CTNNA2: variants seen among roughly 807,000 people sequenced by gnomAD.
CTNNA2 encodes the protein catenin alpha 2, also known as catenin alpha-2.
CTNNA2 carries 42 observed loss-of-function variants against 101.0 expected under a neutral mutation model. The observed-to-expected ratio is 0.42, with a 90% confidence interval of 0.32 to 0.54. CTNNA2 has a LOEUF of 0.54. Ranked by LOEUF, CTNNA2 falls within the 20% of genes least tolerant of loss-of-function variation. CTNNA2 has a pLI of 0.14. For missense variants in CTNNA2, 871 were observed against 1,223.1 expected (o/e 0.71, Z 4.29); for synonymous variants, 450 against 456.4 (o/e 0.99, Z 0.18).
chr2:79,706,670 C>T (rs909977787), intron 2 of CTNNA2, among the ~76,000 whole-genome samples: 3 of 152,050 alleles, frequency 2.0e-5, no homozygotes, highest in African/African-American at 7.2e-5. Context: ...GTAAGAGTCC[C>T]AGATGGCTGA....
intron 7 of CTNNA2, among the ~76,000 whole-genome samples, chr2:80,382,012 A>T (rs755847924): frequency 3.3e-5 from 5 of 152,122 alleles, no homozygotes; most frequent in African/African-American, 4.8e-5. Flanking sequence ...TTTTTCCCGC[A>T]TAGGGGAGGT....
At chr2:79,438,177 A>T (rs1678737672) in intron 4 of CTNNA2, among the ~76,000 whole-genome samples, 1 of 152,078 alleles carries the variant, frequency 6.6e-6, no homozygotes, top group African/African-American at 2.4e-5. Context: ...AGAAGCCTGG[A>T]TTTCTTGTGG....
chr2:80,296,515 G>T (rs902397367), intron 7 of CTNNA2, among the ~76,000 whole-genome samples: 1 of 152,096 alleles, frequency 6.6e-6, no homozygotes, highest in Non-Finnish European at 1.5e-5. Flanking sequence ...GTTAACTTTT[G>T]CTGATTATCA....
chr2:80,460,151 A>T (rs956238805), intron 9 of CTNNA2, among the ~76,000 whole-genome samples: 3 of 152,066 alleles, frequency 2.0e-5, no homozygotes, highest in African/African-American at 7.2e-5. Flanking sequence ...ACTTCTTTAT[A>T]TTTTGTTCGT....
intron 7 of CTNNA2, among the ~76,000 whole-genome samples, chr2:80,129,831 G>A (rs1702318588): frequency 6.6e-6 from 1 of 152,108 alleles, no homozygotes; most frequent in African/African-American, 2.4e-5. Flanking sequence ...ACTCTACTGT[G>A]CTTCTGCCCA....
intron 7 of CTNNA2, among the ~76,000 whole-genome samples, chr2:80,069,500 A>C (rs1425513250): frequency 6.6e-6 from 1 of 152,226 alleles, no homozygotes; most frequent in African/African-American, 2.4e-5. Context: ...TGATACAACC[A>C]TCCGCCATAC....
intron 5 of CTNNA2, among the ~76,000 whole-genome samples, chr2:79,506,571 T>G (rs1480216579): frequency 6.6e-6 from 1 of 152,210 alleles, no homozygotes; most frequent in Admixed American, 6.5e-5. Flanking sequence ...ATGAGGAATT[T>G]GAAACACAGA....
At chr2:79,995,018 G>A (rs960025088) in intron 7 of CTNNA2, among the ~76,000 whole-genome samples, 9 of 152,112 alleles carry the variant, frequency 5.9e-5, no homozygotes, top group Non-Finnish European at 8.8e-5. Context: ...TATCCATTGG[G>A]CACCACAATA....
chr2:79,886,485 C>T (rs1683870177), intron 6 of CTNNA2, among the ~76,000 whole-genome samples: 1 of 151,848 alleles, frequency 6.6e-6, no homozygotes, highest in Non-Finnish European at 1.5e-5. Context: ...GGCGCGGTGG[C>T]TCACGCCTGT....
At chr2:79,477,251 A>G (rs1248013881) in intron 4 of CTNNA2, among the ~76,000 whole-genome samples, 1 of 149,622 alleles carries the variant, frequency 6.7e-6, no homozygotes, top group Non-Finnish European at 1.5e-5. Context: ...GCTCACTGCA[A>G]CTTCTGCCTC....
At chr2:80,246,829 C>G (rs1473071759) in intron 7 of CTNNA2, among the ~76,000 whole-genome samples, 4 of 152,186 alleles carry the variant, frequency 2.6e-5, no homozygotes, top group Admixed American at 2.6e-4. Flanking sequence ...CTCCAGGCCA[C>G]TTACATTAAC....
At chr2:80,313,378 G>A in intron 7 of CTNNA2, 11 of 1,343,270 alleles carry the variant, frequency 8.2e-6, no homozygotes, top group Non-Finnish European at 1.1e-5. Context: ...TTTACCCGAT[G>A]AGAAGCAGAG....
chr2:79,277,201 G>C (rs13002858), intron 2 of CTNNA2, among the ~76,000 whole-genome samples: 7 of 152,124 alleles, frequency 4.6e-5, no homozygotes, highest in African/African-American at 1.7e-4. Context: ...CAGAAGCCCA[G>C]AGAGATGTCA....
chr2:80,605,761 T>A (rs190343407), intron 16 of CTNNA2: 9 of 152,090 alleles, frequency 5.9e-5, no homozygotes, highest in African/African-American at 2.2e-4. Context: ...TTTAATTTTA[T>A]TTTACATTTA....
chr2:80,232,132 T>G (rs796939886), intron 7 of CTNNA2, among the ~76,000 whole-genome samples: 16 of 152,244 alleles, frequency 1.1e-4, no homozygotes, highest in African/African-American at 3.6e-4. Flanking sequence ...GTCCTACCTT[T>G]CTGGACCAAA....
intron 9 of CTNNA2, among the ~76,000 whole-genome samples, chr2:80,485,756 G>C (rs1314310701): frequency 6.6e-6 from 1 of 152,090 alleles, no homozygotes; most frequent in Non-Finnish European, 1.5e-5. Context: ...TCACAAAAAA[G>C]TCCAGCCAGG....
chr2:79,604,257 T>C (rs939397294), intron 1 of CTNNA2, among the ~76,000 whole-genome samples: 25 of 152,178 alleles, frequency 1.6e-4, no homozygotes, highest in African/African-American at 6.0e-4. Context: ...AAGTCAATTA[T>C]GGAGTAAGGG....
At position 80,111,805 on chromosome 2, in the gene CTNNA2, G is replaced by A. The variant is rs58352796; in HGVS notation, c.1056+202008G>A. On this transcript the variant is annotated intron_variant, in intron 7 of 18. Transcript: ENST00000402739. Reference sequence around the variant, plus strand: ...AGCCTCCCAAAGTACTAGGATTATAGGCATGAGCCACTGTGTTTAGCCTAA... The same window carrying A: ...AGCCTCCCAAAGTACTAGGATTATAAGCATGAGCCACTGTGTTTAGCCTAA... Among the ~76,000 whole-genome samples the A allele has an allele frequency of 3.7e-3, 560 of 152,270 alleles. 3 individuals are homozygous for A. Among genetic ancestry groups the A allele is most frequent in the African/African-American group, 0.013 (536 of 41,558 alleles).
Position 79,609,165 on chromosome 2 carries a change from A to G in CTNNA2, c.-5-42387A>G, listed in dbSNP as rs576650331. 1.6e-3 allele frequency among the ~76,000 whole-genome samples: 250 copies of G among 152,134 alleles called. 1 individual carries two copies. Among genetic ancestry groups the G allele is most frequent in the Middle Eastern group, 6.8e-3 (2 of 294 alleles). On this transcript the variant is annotated intron_variant, in intron 1 of 18. Transcript: ENST00000402739. ...ATAATCTGTACACCAAAAATTATAC[A>G]ATATTGCTGAACAAAAGCAAAGATC... is the stretch of plus-strand genomic sequence containing the variant.
Sources: allele counts gnomAD v4.1 joint callset (sites outside exome capture counted in the v4.1 genomes callset), GRCh38; gene constraint gnomAD v4.1.1; transcripts MANE v1.5; gene names NCBI Gene and HGNC (gene_info 2026-07-23, HGNC 2026-07-21).